ANTXRL: variants seen among roughly 807,000 people sequenced by gnomAD.
The protein encoded by ANTXRL is ANTXR like.
In ANTXRL, 63 loss-of-function variants were observed where a neutral mutation model predicts 75.4. The observed-to-expected ratio is 0.84, with a 90% CI of 0.68 to 1.03. The LOEUF (loss-of-function observed/expected upper bound fraction) is 1.03. Ranked by LOEUF, ANTXRL falls within the 50% of genes least tolerant of loss-of-function variation. The pLI is 0.00. For missense variants in ANTXRL, 797 were observed against 789.4 expected, an observed-to-expected ratio of 1.01 and a Z score of -0.12; for synonymous variants, 335 against 291.3, an observed-to-expected ratio of 1.15 and a Z score of -1.53.
chr10:46,295,706 A>T (rs17696739), intron 3 of ANTXRL, among the ~76,000 whole-genome samples: 43,461 of 116,542 alleles, frequency 0.37, 11,945 homozygotes, highest in Non-Finnish European at 0.47. Context: ...GGTTTAGGAA[A>T]GTCAGCCCCA....
intron 16 of ANTXRL, among the ~76,000 whole-genome samples, chr10:46,324,633 G>C (rs1359589320): frequency 6.6e-6 from 1 of 152,128 alleles, no homozygotes; most frequent in Non-Finnish European, 1.5e-5. Context: ...GAAAGACTTA[G>C]AATAACCAGT....
intron 16 of ANTXRL, 73 bp downstream of exon 16, chr10:46,313,389 A>G: frequency 7.0e-7 from 1 of 1,433,494 alleles, no homozygotes; most frequent in Non-Finnish European, 9.5e-7. Flanking sequence ...GTCCTCTGGG[A>G]TTGGGGCTCA....
At chr10:46,294,640 T>C (rs1837255425) in intron 3 of ANTXRL, among the ~76,000 whole-genome samples, 1 of 152,038 alleles carries the variant, frequency 6.6e-6, no homozygotes, top group African/African-American at 2.4e-5. Context: ...TAGGGGAGCT[T>C]GAGTCTGTGT....
At position 46,311,490 on chromosome 10, in the gene ANTXRL, A is replaced by G. The variant is rs782518021; in HGVS notation, c.1174-20A>G. On this transcript the variant is annotated intron_variant, in intron 14 of 16. Coordinates refer to ENST00000620264, the MANE Select transcript of ANTXRL (RefSeq NM_001278688.3). ...TGCCCTGCCAGCACTGTGAGCAGAC[A>G]GTTGTTTTTCTTTTTTTAGGAGCCA... 2.5e-5 allele frequency: 38 copies of G among 1,521,808 alleles called. No homozygotes were observed. The South Asian group carries it at 4.3e-4, about 17-fold the overall frequency. 94.3% of individuals were successfully genotyped at this position (1,521,808 alleles called of 1,614,324 possible).
intron 16 of ANTXRL, among the ~76,000 whole-genome samples, chr10:46,319,759 A>G (rs1281181251): frequency 1.3e-5 from 2 of 152,092 alleles, no homozygotes; most frequent in Admixed American, 6.5e-5. Flanking sequence ...GGATGCCTGC[A>G]AACCAACTGT....
Position 46,297,853 on chromosome 10 carries a change from C to T in ANTXRL, c.677C>T (p.Pro226Leu). The change falls in exon 8 of 17, where the codon CCT becomes CTT. Residue 226 changes from proline (P) to leucine (L), a missense_variant. Transcript: ENST00000620264. ...LDQITAIADS[P>L]GHVFAVENGF... ...TAGATAACAGCAATTGCAGACAGCC[C>T]TGGCCACGTGTTTGCAGTGGAGAAT... The T allele has an allele frequency of 6.5e-7, 1 of 1,535,944 alleles. No homozygotes were observed. The highest frequency in any genetic ancestry group is 8.7e-7 in the Non-Finnish European group (1 of 1,146,752).
intron 10 of ANTXRL, among the ~76,000 whole-genome samples, chr10:46,304,373 A>G (rs1418967766): frequency 1.3e-5 from 2 of 152,130 alleles, no homozygotes; most frequent in African/African-American, 2.4e-5. Flanking sequence ...GGTAAAGAAG[A>G]CATAGGCTTT....
chr10:46,286,317 A>G (rs1257255297), upstream of ANTXRL: 2 of 152,224 alleles, frequency 1.3e-5, no homozygotes, highest in Non-Finnish European at 2.9e-5. Flanking sequence ...GGCCACCTGT[A>G]AAAGCCCAAG....
chr10:46,316,220 C>T (rs1254834754), intron 16 of ANTXRL, among the ~76,000 whole-genome samples: 1 of 152,088 alleles, frequency 6.6e-6, no homozygotes, highest in African/African-American at 2.4e-5. Flanking sequence ...CGTGTGCGCA[C>T]CACAGCAGGA....
chr10:46,325,063 C>T (rs528614695), intron 16 of ANTXRL, among the ~76,000 whole-genome samples: 13 of 152,218 alleles, frequency 8.5e-5, no homozygotes, highest in South Asian at 2.1e-4. Context: ...CTGGATAAGG[C>T]GACCCTGGTA....
intron 9 of ANTXRL, among the ~76,000 whole-genome samples, chr10:46,301,017 GAAA>G (rs5784717): frequency 6.9e-6 from 1 of 145,514 alleles, no homozygotes; most frequent in Non-Finnish European, 1.5e-5. Context: ...CATCCACCTT[GAAA>G]AAAAAAAAAT....
At chr10:46,325,903 A>G (rs551214198) in intron 16 of ANTXRL, among the ~76,000 whole-genome samples, 3 of 152,138 alleles carry the variant, frequency 2.0e-5, no homozygotes, top group South Asian at 4.2e-4. Flanking sequence ...CCAGGCCCCA[A>G]TATTATGTGA....
At chr10:46,293,929 G>C in intron 3 of ANTXRL, 29 bp downstream of exon 3, 1 of 1,532,504 alleles carries the variant, frequency 6.5e-7, no homozygotes, top group Non-Finnish European at 8.7e-7. Context: ...CCCAAAGGGA[G>C]GCCTGATGAG....
chr10:46,317,006 C>G (rs538998379), intron 16 of ANTXRL, among the ~76,000 whole-genome samples: 22 of 152,260 alleles, frequency 1.4e-4, no homozygotes, highest in African/African-American at 4.8e-4. Context: ...TTAGTTCCCA[C>G]CTTGCACCCT....
intron 9 of ANTXRL, among the ~76,000 whole-genome samples, chr10:46,299,159 T>G (rs1232072091): frequency 6.6e-6 from 1 of 151,904 alleles, no homozygotes; most frequent in Non-Finnish European, 1.5e-5. Flanking sequence ...TCTGTGTAAT[T>G]TACCACATCA....
At chr10:46,326,723 C>T (rs782266752) in intron 16 of ANTXRL, among the ~76,000 whole-genome samples, 2 of 152,096 alleles carry the variant, frequency 1.3e-5, no homozygotes, top group East Asian at 1.9e-4. Context: ...GATGGAGTGA[C>T]CTGCACTCTG....
chr10:46,313,167 G>A (rs1565043848), intron 15 of ANTXRL, 69 bp from the exon 16 acceptor site: 6 of 1,330,220 alleles, frequency 4.5e-6, no homozygotes, highest in Admixed American at 3.9e-5. Context: ...GGGGGGCTGG[G>A]GAGTCCTGAT....
intron 14 of ANTXRL, 74 bp downstream of exon 14, chr10:46,310,573 G>A: frequency 2.8e-6 from 4 of 1,436,784 alleles, no homozygotes; most frequent in Non-Finnish European, 3.8e-6. Flanking sequence ...GTGCCATGAA[G>A]CCTGCGCCCC....
At chr10:46,323,757 GT>G in intron 16 of ANTXRL, among the ~76,000 whole-genome samples, 1 of 152,214 alleles carries the variant, frequency 6.6e-6, no homozygotes, top group Non-Finnish European at 1.5e-5. Context: ...AAGGTAAAAG[GT>G]TTAGTGTAGT....
Sources: gnomAD v4.1 joint callset for allele counts (sites outside exome capture counted in the v4.1 genomes callset) on GRCh38, gnomAD v4.1.1 for gene constraint, MANE v1.5 for transcripts, NCBI Gene and HGNC (gene_info 2026-07-23, HGNC 2026-07-21) for gene names.